The following SPOCK1 variants were observed in gnomAD, a reference collection of about 807,000 sequenced individuals.
SPOCK1 encodes the protein SPARC (osteonectin), cwcv and kazal like domains proteoglycan 1.
Under a neutral mutation model 55.3 loss-of-function variants are expected in SPOCK1, and 23 were observed. The ratio of observed to expected loss-of-function variants is 0.42; its 90% CI spans 0.30 to 0.59. The LOEUF is 0.59. Ranked by LOEUF, SPOCK1 falls within the 20% of genes least tolerant of loss-of-function variation. SPOCK1 has a pLI of 0.22. For synonymous variants in SPOCK1, 226 were observed against 221.0 expected (o/e 1.02, Z -0.20); for missense variants, 499 against 552.5 (o/e 0.90, Z 0.97).
At chr5:137,368,047 A>G (rs1411906835) in intron 2 of SPOCK1, among the ~76,000 whole-genome samples, 3 of 152,210 alleles carry the variant, frequency 2.0e-5, no homozygotes, top group African/African-American at 7.2e-5. Context: ...CCCTCTCTTC[A>G]AAGCAGTTTC....
At position 137,465,363 on chromosome 5, in the gene SPOCK1, T is replaced by A. The variant is rs138006963; in HGVS notation, c.186+33010A>T. On this transcript the variant is annotated intron_variant, in intron 2 of 10. Transcript: ENST00000394945. ...TTAAAATCATGACAGCTGAACACCATGGGCAAAGCAAAGCCTTGGAATATA... is the reference window on the plus strand; with the variant it reads ...TTAAAATCATGACAGCTGAACACCAAGGGCAAAGCAAAGCCTTGGAATATA... Among the ~76,000 whole-genome samples the A allele has an allele frequency of 1.2e-3, 176 of 152,206 alleles. 1 individual carries two copies. Among genetic ancestry groups the A allele is most frequent in the African/African-American group, 3.8e-3 (157 of 41,526 alleles).
At chr5:137,317,125 T>A (rs186105078) in intron 2 of SPOCK1, among the ~76,000 whole-genome samples, 14 of 152,312 alleles carry the variant, frequency 9.2e-5, no homozygotes, top group Non-Finnish European at 1.6e-4. Flanking sequence ...GAGGGGCATG[T>A]CTTTTGGCAG....
Position 137,381,762 on chromosome 5 carries a change from G to A in SPOCK1, c.187-114707C>T, listed in dbSNP as rs539918491. On this transcript the variant is annotated intron_variant, in intron 2 of 10. Coordinates refer to ENST00000394945, the MANE Select transcript of SPOCK1 (RefSeq NM_004598.4). Reference sequence around the variant, plus strand: ...AATCATTTTTTCCTCCTTGGCCTCTGGGCCTGTAATGGGAGAGGCTGCCAC... The same window carrying A: ...AATCATTTTTTCCTCCTTGGCCTCTAGGCCTGTAATGGGAGAGGCTGCCAC... 5.3e-5 allele frequency among the ~76,000 whole-genome samples: 8 copies of A among 152,316 alleles called. No individual in the cohort carries two copies. The South Asian group carries it at 1.7e-3, about 32-fold the overall frequency.
intron 2 of SPOCK1, among the ~76,000 whole-genome samples, chr5:137,292,380 C>T (rs1757385989): frequency 1.6e-5 from 2 of 125,274 alleles, no homozygotes; most frequent in Non-Finnish European, 1.6e-5. Flanking sequence ...AAGGAAGGAG[C>T]TTGGTTTCAT....
At chr5:137,478,293 G>A (rs1580949370) in intron 2 of SPOCK1, among the ~76,000 whole-genome samples, 1 of 152,144 alleles carries the variant, frequency 6.6e-6, no homozygotes, top group African/African-American at 2.4e-5. Context: ...AAAGATTAGT[G>A]AGCTGGAGTC....
chr5:137,182,897 T>C (rs1305918669), intron 3 of SPOCK1, among the ~76,000 whole-genome samples: 2 of 152,100 alleles, frequency 1.3e-5, no homozygotes, highest in Non-Finnish European at 2.9e-5. Context: ...CCAATCTCCA[T>C]GGAGGCCTGG....
rs189318831 is a variant in SPOCK1 at position 137,166,055 on chromosome 5, G to A, written c.233-25361C>T. Among the ~76,000 whole-genome samples the A allele has an allele frequency of 2.8e-3, 429 of 152,086 alleles. 2 individuals are homozygous for A. The highest frequency in any genetic ancestry group is 9.7e-3 in the African/African-American group (401 of 41,502). ...CCTACAGAAAAATATCAATATCTAAGTACAAGAAGGTTATATAACACCAAG... is the reference window on the plus strand; with the variant it reads ...CCTACAGAAAAATATCAATATCTAAATACAAGAAGGTTATATAACACCAAG... On this transcript the variant is annotated intron_variant, in intron 3 of 10. Coordinates refer to ENST00000394945, the MANE Select transcript of SPOCK1 (RefSeq NM_004598.4).
chr5:137,175,314 A>T (rs559899583), intron 3 of SPOCK1, among the ~76,000 whole-genome samples: 12 of 152,172 alleles, frequency 7.9e-5, no homozygotes, highest in Non-Finnish European at 1.2e-4. Context: ...TGGGTTGGAT[A>T]GGTAGGAGGC....
intron 6 of SPOCK1, among the ~76,000 whole-genome samples, chr5:137,016,912 A>G (rs6888811): frequency 0.98 from 150,019 of 152,382 alleles, 73,891 homozygotes; most frequent in Middle Eastern, 1. Flanking sequence ...AACCAGGAAC[A>G]ATGGGGCTTT....
chr5:137,216,367 TA>T (rs1171889422), intron 3 of SPOCK1, among the ~76,000 whole-genome samples: 1 of 152,222 alleles, frequency 6.6e-6, no homozygotes, highest in Non-Finnish European at 1.5e-5. Context: ...GCCATTATGC[TA>T]GTGATAGCAA....
intron 5 of SPOCK1, among the ~76,000 whole-genome samples, chr5:137,094,198 C>T (rs1020486016): frequency 1.3e-5 from 2 of 152,180 alleles, no homozygotes; most frequent in African/African-American, 4.8e-5. Flanking sequence ...GGGGGAAACA[C>T]TGGGGCCCAA....
At chr5:137,124,093 A>G (rs1210237045) in intron 4 of SPOCK1, among the ~76,000 whole-genome samples, 1 of 152,182 alleles carries the variant, frequency 6.6e-6, no homozygotes, top group Non-Finnish European at 1.5e-5. Context: ...GCCATAAAGA[A>G]CAACAAGCCA....
intron 6 of SPOCK1, among the ~76,000 whole-genome samples, chr5:137,020,359 C>A (rs1455696703): frequency 1.3e-5 from 2 of 151,606 alleles, no homozygotes; most frequent in African/African-American, 4.8e-5. Flanking sequence ...TCTTAATTAT[C>A]AAAATTCAAA....
chr5:137,227,900 A>T (rs543894875), intron 3 of SPOCK1, among the ~76,000 whole-genome samples: 4 of 152,352 alleles, frequency 2.6e-5, no homozygotes, highest in Admixed American at 2.6e-4. Context: ...AGATACATCT[A>T]TGAAGAGGAA....
At chr5:137,164,277 G>A (rs183097739) in intron 3 of SPOCK1, among the ~76,000 whole-genome samples, 11 of 151,896 alleles carry the variant, frequency 7.2e-5, no homozygotes, top group East Asian at 3.9e-4. Flanking sequence ...GCCACACACC[G>A]GTCAGTGGGG....
chr5:137,278,741 C>G (rs1757114864), intron 2 of SPOCK1, among the ~76,000 whole-genome samples: 2 of 152,216 alleles, frequency 1.3e-5, no homozygotes, highest in South Asian at 4.1e-4. Flanking sequence ...CGAGGCACTT[C>G]AGCCAGGCTC....
At chr5:137,178,242 G>A (rs1754894490) in intron 3 of SPOCK1, among the ~76,000 whole-genome samples, 1 of 152,210 alleles carries the variant, frequency 6.6e-6, no homozygotes, top group South Asian at 2.1e-4. Flanking sequence ...AGTTCCATGA[G>A]TGAGGGAAAT....
At chr5:137,387,068 A>C (rs2127177476) in intron 2 of SPOCK1, among the ~76,000 whole-genome samples, 1 of 152,368 alleles carries the variant, frequency 6.6e-6, no homozygotes, top group East Asian at 1.9e-4. Context: ...GCTTCACATC[A>C]TGTCATTAAA....
chr5:137,146,059 A>G (rs1754185363), intron 3 of SPOCK1, among the ~76,000 whole-genome samples: 1 of 152,236 alleles, frequency 6.6e-6, no homozygotes, highest in African/African-American at 2.4e-5. Flanking sequence ...ACCTGTGACC[A>G]GACTAAAGTC....
Sources: allele counts gnomAD v4.1 joint callset (sites outside exome capture counted in the v4.1 genomes callset), GRCh38; gene constraint gnomAD v4.1.1; transcripts MANE v1.5; gene names NCBI Gene and HGNC (gene_info 2026-07-23, HGNC 2026-07-21).